MACROD2: variants seen among roughly 807,000 people sequenced by gnomAD.
MACROD2 encodes mono-ADP ribosylhydrolase 2, also known as ADP-ribose glycohydrolase MACROD2.
MACROD2 carries 36 observed loss-of-function variants against 70.4 expected under a neutral mutation model. That is an observed-to-expected ratio of 0.51 (90% CI 0.39 to 0.68). MACROD2 has a LOEUF of 0.68. MACROD2 is among the 30% of genes least tolerant of loss of function. MACROD2 has a pLI of 0.00. For missense variants in MACROD2, 496 were observed against 538.4 expected (o/e 0.92, Z 0.78); for synonymous variants, 172 against 178.8 (o/e 0.96, Z 0.30).
At chr20:14,816,822 C>T (rs1293564543) in intron 5 of MACROD2, among the ~76,000 whole-genome samples, 1 of 151,760 alleles carries the variant, frequency 6.6e-6, no homozygotes, top group Non-Finnish European at 1.5e-5. Context: ...AACTATCATT[C>T]TATTATGTCT....
intron 5 of MACROD2, among the ~76,000 whole-genome samples, chr20:14,998,892 G>C (rs1438764831): frequency 6.6e-6 from 1 of 152,178 alleles, no homozygotes; most frequent in East Asian, 1.9e-4. Context: ...CAGGAGAAAA[G>C]AAACAACTAA....
At chr20:15,461,006 A>ATATATATATATATATATATATATTTTTT in intron 7 of MACROD2, among the ~76,000 whole-genome samples, 13 of 66,976 alleles carry the variant, frequency 1.9e-4, no homozygotes, top group Admixed American at 7.1e-4. Context: ...ATATATATAT[A>ATATATATATATATATATATATATTTTTT]TTTTTTTTTA....
At chr20:14,132,129 C>CA (rs34790385) in intron 3 of MACROD2, among the ~76,000 whole-genome samples, 52,059 of 96,400 alleles carry the variant, frequency 0.54, 13,434 homozygotes, top group East Asian at 0.62. Flanking sequence ...AGACTCTATC[C>CA]AAAAAAAAAA....
intron 8 of MACROD2, among the ~76,000 whole-genome samples, chr20:15,557,781 T>A (rs757735831): frequency 6.6e-6 from 1 of 152,190 alleles, no homozygotes; most frequent in South Asian, 2.1e-4. Context: ...GCTGTTAGAA[T>A]ATCCCCTGGT....
chr20:15,893,104 A>G (rs1042443122), intron 10 of MACROD2: 5 of 399,808 alleles, frequency 1.3e-5, no homozygotes, highest in Non-Finnish European at 2.2e-5. Flanking sequence ...TCATGTTCAG[A>G]TATTCCTAAG....
At chr20:15,885,106 C>T (rs1198560112) in intron 9 of MACROD2, among the ~76,000 whole-genome samples, 1 of 152,070 alleles carries the variant, frequency 6.6e-6, no homozygotes, top group African/African-American at 2.4e-5. Context: ...TTGTGGGGAG[C>T]ATAAGGAGAG....
intron 4 of MACROD2, among the ~76,000 whole-genome samples, chr20:14,595,097 ACAAT>A (rs1363866945): frequency 5.3e-5 from 8 of 152,128 alleles, no homozygotes; most frequent in Non-Finnish European, 1.2e-4. Flanking sequence ...CACTCATTCA[ACAAT>A]CAAATAAACA....
chr20:15,286,568 T>G (rs2077493952), intron 6 of MACROD2, among the ~76,000 whole-genome samples: 3 of 150,612 alleles, frequency 2.0e-5, no homozygotes, highest in African/African-American at 7.3e-5. Context: ...AAGATATGTT[T>G]TATATGCCAG....
intron 5 of MACROD2, among the ~76,000 whole-genome samples, chr20:14,705,926 T>G (rs1242818319): frequency 6.6e-6 from 1 of 152,068 alleles, no homozygotes; most frequent in African/African-American, 2.4e-5. Flanking sequence ...CTCTCTCTCT[T>G]TTTCTTCTCT....
intron 5 of MACROD2, among the ~76,000 whole-genome samples, chr20:14,691,755 G>A (rs1188041712): frequency 6.6e-6 from 1 of 152,160 alleles, no homozygotes; most frequent in African/African-American, 2.4e-5. Context: ...GCTGCTAGGA[G>A]TATGACTCTG....
intron 5 of MACROD2, among the ~76,000 whole-genome samples, chr20:14,828,371 C>T (rs1354330602): frequency 1.3e-5 from 2 of 152,128 alleles, no homozygotes; most frequent in African/African-American, 4.8e-5. Context: ...TACCAAAATA[C>T]CATCCAGAAT....
At chr20:15,800,789 T>C (rs4052905) in intron 8 of MACROD2, among the ~76,000 whole-genome samples, 71,663 of 151,144 alleles carry the variant, frequency 0.47, 17,893 homozygotes, top group African/African-American at 0.64. Flanking sequence ...GGATGGTTGC[T>C]GTGTCTGTGT....
chr20:14,392,763 G>C (rs1016782679), intron 3 of MACROD2, among the ~76,000 whole-genome samples: 1 of 152,000 alleles, frequency 6.6e-6, no homozygotes, highest in African/African-American at 2.4e-5. Flanking sequence ...TCTATTATGT[G>C]GCTCCCAATG....
Position 15,349,072 on chromosome 20 carries a change from C to T in MACROD2, c.541-82333C>T, listed in dbSNP as rs750920515. 2.1e-4 allele frequency among the ~76,000 whole-genome samples: 32 copies of T among 152,240 alleles called. 1 individual carries two copies. The highest frequency in any genetic ancestry group is 4.1e-4 in the Non-Finnish European group (28 of 68,010). On this transcript the variant is annotated intron_variant, in intron 6 of 17. Coordinates refer to ENST00000684519, the MANE Select transcript of MACROD2 (RefSeq NM_001351661.2). The stretch of plus-strand genomic sequence containing the variant: ...CTTCACAGGACAGAAGCATTAGGCT[C>T]TGGAGAATTTTAGCATGCACCCAGA...
rs533503732 is a variant in MACROD2 at position 15,987,492 on chromosome 20, T to C, written c.1153+334T>C. On this transcript the variant is annotated intron_variant, in intron 15 of 17. Transcript: ENST00000684519. Reference sequence around the variant, plus strand: ...GATAAAGTTCATACAAAATCTGAAATGGCTTTAGAGCAAATAGACTGGCCT... The same window carrying C: ...GATAAAGTTCATACAAAATCTGAAACGGCTTTAGAGCAAATAGACTGGCCT... Among the ~76,000 whole-genome samples, 4 of 152,306 alleles carry C rather than the reference T, an allele frequency of 2.6e-5. No homozygotes were observed. The East Asian group carries it at 7.7e-4, about 29-fold the overall frequency.
intron 4 of MACROD2, among the ~76,000 whole-genome samples, chr20:14,683,253 A>T (rs1002636194): frequency 6.6e-6 from 1 of 152,216 alleles, no homozygotes; most frequent in African/African-American, 2.4e-5. Context: ...ACTTAAGATA[A>T]CTACCACCAA....
At chr20:14,515,463 A>ACACACACACACT (rs34190778) in intron 4 of MACROD2, among the ~76,000 whole-genome samples, 2 of 138,822 alleles carry the variant, frequency 1.4e-5, no homozygotes, top group Admixed American at 7.0e-5. Context: ...ATACACACAC[A>ACACACACACACT]CGCACACACA....
intron 3 of MACROD2, among the ~76,000 whole-genome samples, chr20:14,330,247 C>T (rs1245581212): frequency 6.6e-6 from 1 of 152,046 alleles, no homozygotes; most frequent in East Asian, 1.9e-4. Context: ...ATGTTGACTG[C>T]TTTGCCCATT....
At chr20:14,450,048 A>C (rs1021659728) in intron 3 of MACROD2, among the ~76,000 whole-genome samples, 1 of 152,110 alleles carries the variant, frequency 6.6e-6, no homozygotes, top group East Asian at 1.9e-4. Flanking sequence ...ATTGGACTTT[A>C]TTCTAGGTAT....
Sources: allele counts gnomAD v4.1 joint callset (sites outside exome capture counted in the v4.1 genomes callset), GRCh38; gene constraint gnomAD v4.1.1; transcripts MANE v1.5; gene names NCBI Gene and HGNC (gene_info 2026-07-23, HGNC 2026-07-21).